LRRN2: variants seen among roughly 807,000 people sequenced by gnomAD.
The protein encoded by LRRN2 is leucine-rich repeat neuronal protein 2.
Under a neutral mutation model 35.7 loss-of-function variants are expected in LRRN2, and 10 were observed. That is an observed-to-expected ratio of 0.28 (90% CI 0.17 to 0.47). The LOEUF is 0.47. Ranked by LOEUF, LRRN2 falls within the 20% of genes least tolerant of loss-of-function variation. LRRN2 has a pLI of 0.99. For synonymous variants in LRRN2, 391 were observed against 409.6 expected (o/e 0.95, Z 0.55); for missense variants, 731 against 940.3 (o/e 0.78, Z 2.91).
At position 204,620,128 on chromosome 1, in the gene LRRN2, G is replaced by A. The variant is rs762297256; in HGVS notation, c.-136C>T. On this transcript the variant is annotated 5_prime_UTR_variant, in exon 2 of 2. The change creates a new upstream start codon in the 5' untranslated region. Coordinates refer to ENST00000367177, the MANE Select transcript of LRRN2 (RefSeq NM_201630.2). ...CCAGGGCAGTCATTCTACACCGGGCGTCACTTCTTGCCCTCCTCAATATGC... is the reference window on the plus strand; with the variant it reads ...CCAGGGCAGTCATTCTACACCGGGCATCACTTCTTGCCCTCCTCAATATGC... The A allele has an allele frequency of 1.9e-5, 28 of 1,466,304 alleles. No homozygotes were observed. The highest frequency in any genetic ancestry group is 1.8e-4 in the Admixed American group (7 of 39,202). The allele number at this position is 1,466,304 out of a possible 1,614,324, so 90.8% of individuals were successfully genotyped here.
intron 1 of LRRN2, among the ~76,000 whole-genome samples, chr1:204,678,789 C>G (rs1241011398): frequency 6.6e-6 from 1 of 152,142 alleles, no homozygotes; most frequent in Non-Finnish European, 1.5e-5. Context: ...CACAAGATAA[C>G]AAACTCCCCC....
intron 1 of LRRN2, among the ~76,000 whole-genome samples, chr1:204,648,592 T>A (rs1209087216): frequency 6.6e-6 from 1 of 152,200 alleles, no homozygotes; most frequent in African/African-American, 2.4e-5. Context: ...CTGCATGGAC[T>A]TGTTACCACA....
At chr1:204,680,145 T>C (rs919329727) in intron 1 of LRRN2, among the ~76,000 whole-genome samples, 4 of 152,242 alleles carry the variant, frequency 2.6e-5, no homozygotes, top group Non-Finnish European at 5.9e-5. Context: ...AGTCTGAGTC[T>C]GTTTCTTGGC....
chr1:204,631,256 C>CTCTATATATATATATATA (rs1667686456), intron 1 of LRRN2, among the ~76,000 whole-genome samples: 1 of 36,910 alleles, frequency 2.7e-5, no homozygotes, highest in East Asian at 8.2e-4. Context: ...CTAGAGTGTT[C>CTCTATATATATATATATA]TATATATATA....
intron 1 of LRRN2, among the ~76,000 whole-genome samples, chr1:204,678,080 C>T (rs939756018): frequency 6.6e-6 from 1 of 152,178 alleles, no homozygotes; most frequent in Admixed American, 6.5e-5. Flanking sequence ...GCCGCGCCCC[C>T]CTGAGGAAGC....
chr1:204,640,494 G>A (rs1357110440), intron 1 of LRRN2, among the ~76,000 whole-genome samples: 2 of 152,190 alleles, frequency 1.3e-5, no homozygotes, highest in Non-Finnish European at 2.9e-5. Flanking sequence ...CCTCCTGGAA[G>A]GGCGTTCAGG....
chr1:204,673,507 G>A (rs1571683847), intron 1 of LRRN2, among the ~76,000 whole-genome samples: 1 of 152,162 alleles, frequency 6.6e-6, no homozygotes, highest in Admixed American at 6.5e-5. Context: ...AGAAGCCACA[G>A]GATTCTAACC....
chr1:204,678,725 C>T (rs773599035), intron 1 of LRRN2, among the ~76,000 whole-genome samples: 1 of 152,066 alleles, frequency 6.6e-6, no homozygotes, highest in Non-Finnish European at 1.5e-5. Context: ...TGGTGCCACC[C>T]CCTCATCTCT....
chr1:204,663,837 G>A (rs1668518259), intron 1 of LRRN2: 1 of 152,232 alleles, frequency 6.6e-6, no homozygotes, highest in African/African-American at 2.4e-5. Context: ...CCCTCTCGGA[G>A]GCTATTACGC....
At chr1:204,632,825 A>C (rs1269331922) in intron 1 of LRRN2, among the ~76,000 whole-genome samples, 2 of 150,496 alleles carry the variant, frequency 1.3e-5, no homozygotes, top group Non-Finnish European at 3.0e-5. Flanking sequence ...TCCTAGCTAC[A>C]TGGGAGGCTG....
At position 204,623,598 on chromosome 1, in the gene LRRN2, C is replaced by G. The variant is rs76604482; in HGVS notation, c.-226-3380G>C. Among the ~76,000 whole-genome samples, 798 of 152,372 alleles carry G rather than the reference C, an allele frequency of 5.2e-3. 9 individuals are homozygous for G. Among genetic ancestry groups the G allele is most frequent in the African/African-American group, 0.017 (708 of 41,598 alleles). Reference sequence around the variant, plus strand: ...TCAGAGCTGCCCTCTCACCTGCCATCACCACCTAAGGCTGCCTTGCACATG... The same window carrying G: ...TCAGAGCTGCCCTCTCACCTGCCATGACCACCTAAGGCTGCCTTGCACATG... On this transcript the variant is annotated intron_variant, in intron 1 of 1. Transcript: ENST00000367177.
chr1:204,651,101 G>T (rs1057453568), intron 1 of LRRN2, among the ~76,000 whole-genome samples: 5 of 152,186 alleles, frequency 3.3e-5, no homozygotes, highest in African/African-American at 1.2e-4. Flanking sequence ...GATTCCAAGC[G>T]TGCGATGATC....
At chr1:204,624,442 G>T (rs1359929084) in intron 1 of LRRN2, among the ~76,000 whole-genome samples, 1 of 152,194 alleles carries the variant, frequency 6.6e-6, no homozygotes, top group Admixed American at 6.5e-5. Context: ...AGCAGGGTTG[G>T]TTGCCCACTC....
intron 1 of LRRN2, chr1:204,622,146 T>TGGAG (rs1218725627): frequency 6.0e-6 from 1 of 167,242 alleles, no homozygotes; most frequent in South Asian, 2.1e-4. Flanking sequence ...GACCCTGCCC[T>TGGAG]GGGCCTCTGG....
intron 1 of LRRN2, among the ~76,000 whole-genome samples, chr1:204,685,102 C>G (rs1347021440): frequency 6.6e-6 from 1 of 152,172 alleles, no homozygotes; most frequent in Non-Finnish European, 1.5e-5. Context: ...GTCTCCGGCT[C>G]CCCCGCAGGC....
At chr1:204,658,010 C>T (rs1668397718) in intron 1 of LRRN2, among the ~76,000 whole-genome samples, 2 of 127,602 alleles carry the variant, frequency 1.6e-5, no homozygotes, top group African/African-American at 5.9e-5. Context: ...CTGAGTCTCA[C>T]TCTGTCGCCC....
Position 204,631,281 on chromosome 1 carries a change from T to G in LRRN2, c.-226-11063A>C, listed in dbSNP as rs1380028586. Reference sequence around the variant, plus strand: ...CTATATATATATATATATATATATATATATATATATATATATATATATGAA... The same window carrying G: ...CTATATATATATATATATATATATAGATATATATATATATATATATATGAA... On this transcript the variant is annotated intron_variant, in intron 1 of 1. Coordinates refer to ENST00000367177, the MANE Select transcript of LRRN2 (RefSeq NM_201630.2). 1.3e-4 allele frequency among the ~76,000 whole-genome samples: 12 copies of G among 91,250 alleles called. 1 individual carries two copies. Among genetic ancestry groups the G allele is most frequent in the African/African-American group, 4.8e-4 (11 of 22,764 alleles). 59.9% of individuals were successfully genotyped at this position (91,250 alleles called of 152,430 possible). A position where few individuals can be genotyped will look rare whatever the true frequency, so the allele number is the denominator to read the frequency against.
chr1:204,646,279 G>A (rs1668104371), intron 1 of LRRN2, among the ~76,000 whole-genome samples: 2 of 152,112 alleles, frequency 1.3e-5, no homozygotes, highest in African/African-American at 2.4e-5. Context: ...TACTTGACCT[G>A]ACAAAACTTG....
At chr1:204,651,750 G>C (rs74727610) in intron 1 of LRRN2, among the ~76,000 whole-genome samples, 1 of 152,218 alleles carries the variant, frequency 6.6e-6, no homozygotes, top group Non-Finnish European at 1.5e-5. Context: ...CACAGGAGCA[G>C]GTGATGGGGG....
Sources: allele counts gnomAD v4.1 joint callset (sites outside exome capture counted in the v4.1 genomes callset), GRCh38; gene constraint gnomAD v4.1.1; transcripts MANE v1.5; gene names NCBI Gene and HGNC (gene_info 2026-07-23, HGNC 2026-07-21).